The following GRM1 variants were observed in gnomAD, a reference collection of about 807,000 sequenced individuals.
GRM1 encodes glutamate metabotropic receptor 1.
In GRM1, 33 loss-of-function variants were observed where a neutral mutation model predicts 90.9. The observed-to-expected ratio is 0.36, with a 90% CI of 0.28 to 0.49. The LOEUF is 0.49. GRM1 is among the 20% of genes least tolerant of loss of function. The pLI, the probability that GRM1 is intolerant of heterozygous loss-of-function variation, is 0.99. For synonymous variants in GRM1, 700 were observed against 613.2 expected (o/e 1.14, Z -2.09); for missense variants, 1,190 against 1,534.3 (o/e 0.78, Z 3.75).
At chr6:146,090,201 C>T (rs1414364841) in intron 1 of GRM1, among the ~76,000 whole-genome samples, 1 of 152,054 alleles carries the variant, frequency 6.6e-6, no homozygotes. Flanking sequence ...TTGTAGCCTC[C>T]TTGAGGCCAT....
At chr6:146,234,688 C>A (rs1372458800) in intron 2 of GRM1, among the ~76,000 whole-genome samples, 3 of 151,934 alleles carry the variant, frequency 2.0e-5, no homozygotes, top group Non-Finnish European at 4.4e-5. Flanking sequence ...TTGCTTGTGA[C>A]AATTATCTTT....
At chr6:146,157,731 A>T (rs888286638) in intron 1 of GRM1, among the ~76,000 whole-genome samples, 1 of 152,124 alleles carries the variant, frequency 6.6e-6, no homozygotes, top group African/African-American at 2.4e-5. Context: ...CGTGAGCAGG[A>T]GTTGGCTCTA....
chr6:146,225,154 C>T (rs971119199), intron 2 of GRM1, among the ~76,000 whole-genome samples: 19 of 152,120 alleles, frequency 1.2e-4, no homozygotes, highest in African/African-American at 3.9e-4. Flanking sequence ...ATCTGGTCCA[C>T]GGGAATCACA....
intron 1 of GRM1, among the ~76,000 whole-genome samples, chr6:146,039,748 G>A (rs1791027512): frequency 6.6e-6 from 1 of 152,000 alleles, no homozygotes; most frequent in African/African-American, 2.4e-5. Context: ...AAAGGATAGA[G>A]GAGAATGAAT....
At chr6:146,409,826 C>T (rs184588205) in intron 7 of GRM1, among the ~76,000 whole-genome samples, 17 of 152,240 alleles carry the variant, frequency 1.1e-4, no homozygotes, top group African/African-American at 3.9e-4. Context: ...TGCAAATTAT[C>T]TGTAAGATAT....
chr6:146,029,602 C>A lies in GRM1; in HGVS notation c.85C>A (p.Leu29Met). 4 of 1,614,054 alleles carry A rather than the reference C, an allele frequency of 2.5e-6. No individual in the cohort carries two copies. Among genetic ancestry groups the A allele is most frequent in the Non-Finnish European group, 3.4e-6 (4 of 1,179,958 alleles). ...LPRSPGRKVL[L>M]AGASSQRSVA... ...CAGAAGCCCCGGCAGGAAAGTGTTGCTGGCAGGAGCGTCGTCTCAGCGCTC... is the reference window on the plus strand; with the variant it reads ...CAGAAGCCCCGGCAGGAAAGTGTTGATGGCAGGAGCGTCGTCTCAGCGCTC... The change falls in exon 1 of 8, where the codon CTG becomes ATG. Residue 29 changes from leucine (L) to methionine (M), a missense_variant. Physicochemically the swap from Leu to Met is conservative, Grantham distance 15. Around this residue, in one of 10 missense-constraint regions of GRM1, gnomAD observed 44 missense variants for 35.8 expected, o/e 1.23. Transcript: ENST00000282753.
At position 146,436,003 on chromosome 6, in the gene GRM1, CGAGT is replaced by C. The variant is rs1231695071; in HGVS notation, c.*1210_*1213del. The C allele has an allele frequency of 3.3e-5, 5 of 152,548 alleles. No homozygotes were observed. Among genetic ancestry groups the C allele is most frequent in the Non-Finnish European group, 7.4e-5 (5 of 68,026 alleles). 9.4% of individuals were successfully genotyped at this position (152,548 alleles called of 1,614,324 possible). A position where few individuals can be genotyped will look rare whatever the true frequency, so the allele number is the denominator to read the frequency against. On this transcript the variant is annotated 3_prime_UTR_variant, in exon 8 of 8. Transcript: ENST00000282753. ...TTGTCACTGAAGTCCTTGTAACTAG[CGAGT>C]GAATGTGTTCCTGTGTCCTTGTATA...
intron 1 of GRM1, among the ~76,000 whole-genome samples, chr6:146,150,558 AG>A: frequency 1.3e-5 from 2 of 152,324 alleles, no homozygotes; most frequent in South Asian, 4.1e-4. Context: ...TTTCTTTGTT[AG>A]GAAGATTCCA....
chr6:146,369,291 T>A (rs953172699), intron 5 of GRM1, among the ~76,000 whole-genome samples: 4 of 151,940 alleles, frequency 2.6e-5, no homozygotes, highest in East Asian at 3.9e-4. Context: ...ACTAATTTTT[T>A]AATCTGTTTT....
intron 3 of GRM1, among the ~76,000 whole-genome samples, chr6:146,351,086 T>C (rs1265389679): frequency 6.6e-6 from 1 of 152,188 alleles, no homozygotes; most frequent in Non-Finnish European, 1.5e-5. Flanking sequence ...TTCTAAAGAC[T>C]CAAACTGTCT....
Position 146,399,231 on chromosome 6 carries a change from T to A in GRM1, c.2192T>A (p.Met731Lys). The A allele has an allele frequency of 6.2e-7, 1 of 1,614,040 alleles. No homozygotes were observed. The highest frequency in any genetic ancestry group is 8.5e-7 in the Non-Finnish European group (1 of 1,179,962). The change falls in exon 7 of 8, where the codon ATG becomes AAG. Residue 731 changes from methionine to lysine, a missense_variant. This residue lies in a region of GRM1 where 414 missense variants were observed against 598.4 expected (regional missense o/e 0.69). Transcript: ENST00000282753. This position sits in a 1 kb window ranked among gnomAD's most constrained non-coding sequence, Gnocchi z 5.4. The stretch of plus-strand genomic sequence containing the variant: ...ACCCTGATCATCATGGAACCCCCTA[T>A]GCCCATTCTGTCCTACCCAAGTATC... Reference protein sequence around the residue: ...VVTLIIMEPPMPILSYPSIKE... With the variant: ...VVTLIIMEPPKPILSYPSIKE...
intron 5 of GRM1, among the ~76,000 whole-genome samples, chr6:146,385,540 G>A (rs1205774008): frequency 6.6e-6 from 1 of 151,810 alleles, no homozygotes; most frequent in African/African-American, 2.4e-5. Context: ...TTCTCAGGCT[G>A]GCATGGCTGT....
intron 1 of GRM1, among the ~76,000 whole-genome samples, chr6:146,103,598 G>T (rs988325115): frequency 3.3e-5 from 5 of 152,172 alleles, no homozygotes; most frequent in Admixed American, 6.5e-5. Flanking sequence ...CTTAGAGTCT[G>T]CTTCCAAGAG....
intron 7 of GRM1, among the ~76,000 whole-genome samples, chr6:146,404,706 G>A (rs1209833029): frequency 1.3e-5 from 2 of 152,166 alleles, no homozygotes; most frequent in South Asian, 2.1e-4. Flanking sequence ...GTAGTGTTGG[G>A]CAACTTTGCA....
At chr6:146,175,222 C>A (rs1778296926) in intron 2 of GRM1, among the ~76,000 whole-genome samples, 2 of 152,178 alleles carry the variant, frequency 1.3e-5, no homozygotes, top group South Asian at 4.1e-4. Context: ...ATTTGGAAAT[C>A]ACTTTTTCTG....
intron 3 of GRM1, among the ~76,000 whole-genome samples, chr6:146,343,942 G>A (rs1346629673): frequency 6.6e-6 from 1 of 152,156 alleles, no homozygotes; most frequent in Admixed American, 6.5e-5. Context: ...GGCATTGGGT[G>A]TGCTTACTGC....
chr6:146,276,777 G>GT (rs755579659), intron 2 of GRM1, among the ~76,000 whole-genome samples: 483 of 152,048 alleles, frequency 3.2e-3, no homozygotes, highest in Non-Finnish European at 5.7e-3. Context: ...TAATTGATTT[G>GT]TACATTTTAT....
chr6:146,188,231 T>C (rs571312847), intron 2 of GRM1, among the ~76,000 whole-genome samples: 1 of 152,278 alleles, frequency 6.6e-6, no homozygotes, highest in African/African-American at 2.4e-5. Flanking sequence ...AAATCCATCC[T>C]TTATCCTACC....
intron 2 of GRM1, among the ~76,000 whole-genome samples, chr6:146,299,359 C>T (rs1262814143): frequency 6.6e-6 from 1 of 151,758 alleles, no homozygotes; most frequent in Non-Finnish European, 1.5e-5. Flanking sequence ...AGAATTTTAC[C>T]TTGTTGAGTA....
Sources: allele counts gnomAD v4.1 joint callset (sites outside exome capture counted in the v4.1 genomes callset), GRCh38; gene constraint gnomAD v4.1.1; regional missense constraint gnomAD v4.1.1; non-coding constraint Gnocchi (gnomAD v3.1); transcripts MANE v1.5; gene names NCBI Gene and HGNC (gene_info 2026-07-23, HGNC 2026-07-21).